Variants in TNRC6A observed in about 807,000 individuals in gnomAD.
TNRC6A encodes trinucleotide repeat containing adaptor 6A, also known as trinucleotide repeat-containing gene 6A protein.
Under a neutral mutation model 221.2 loss-of-function variants are expected in TNRC6A, and 44 were observed. The observed-to-expected ratio is 0.20, with a 90% CI of 0.16 to 0.26. The LOEUF is 0.26. Among genes scored for constraint, TNRC6A ranks in the 10% least tolerant of loss-of-function variants. The probability of loss-of-function intolerance (pLI) is 1.00; values close to 1 mark genes in which losing one functional copy is unlikely to be tolerated. For synonymous variants in TNRC6A, 847 were observed against 838.5 expected, an observed-to-expected ratio of 1.01 and a Z score of -0.18; for missense variants, 2,199 against 2,404.4, an observed-to-expected ratio of 0.91 and a Z score of 1.79.
intron 2 of TNRC6A, among the ~76,000 whole-genome samples, chr16:24,689,791 C>T (rs375625771): frequency 6.6e-6 from 1 of 151,996 alleles, no homozygotes; most frequent in Non-Finnish European, 1.5e-5. Flanking sequence ...TCACTTGTTG[C>T]CTAGGCTAAA....
intron 2 of TNRC6A, among the ~76,000 whole-genome samples, chr16:24,678,994 A>AT (rs10556464): frequency 0.01 from 1,420 of 135,926 alleles, 7 homozygotes; most frequent in Non-Finnish European, 0.016. Flanking sequence ...AAAACATTGA[A>AT]TTTTTTTTTT....
intron 2 of TNRC6A, among the ~76,000 whole-genome samples, chr16:24,735,475 G>A (rs1443846490): frequency 2.0e-5 from 3 of 152,186 alleles, no homozygotes; most frequent in Admixed American, 6.5e-5. Context: ...ATTGCTATAG[G>A]TTGGTGCGAA....
intron 2 of TNRC6A, among the ~76,000 whole-genome samples, chr16:24,666,656 AAAAAAAAAAAAAATAT>A (rs1293077359): frequency 8.0e-5 from 10 of 124,562 alleles, no homozygotes; most frequent in African/African-American, 3.4e-4. Flanking sequence ...AAAAAAAAAA[AAAAAAAAAAAAAATAT>A]ATATATATAT....
At chr16:24,809,616 G>T in intron 18 of TNRC6A, 135 bp downstream of exon 18, 1 of 1,163,604 alleles carries the variant, frequency 8.6e-7, no homozygotes, top group Non-Finnish European at 1.1e-6. Context: ...TTTAAAAAAA[G>T]TTGTTATTAA....
Position 24,790,329 on chromosome 16 carries a change from T to A in TNRC6A, c.1687T>A (p.Phe563Ile). Residue 563 changes from phenylalanine (F) to isoleucine (I), a missense_variant, in exon 6 of 25, where the codon TTT becomes ATT. Physicochemically the swap from Phe to Ile is conservative, Grantham distance 21. Coordinates refer to ENST00000395799, the MANE Select transcript of TNRC6A (RefSeq NM_014494.4). Reference protein sequence around the residue: ...PGVNGPMGTNFQVNTNKGGGV... With the variant: ...PGVNGPMGTNIQVNTNKGGGV... ...CGTAAATGGTCCTATGGGCACTAAC[T>A]TTCAAGTTAACACAAACAAAGGAGG... The A allele has an allele frequency of 1.9e-6, 3 of 1,614,204 alleles. No individual in the cohort carries two copies. Among genetic ancestry groups the A allele is most frequent in the Non-Finnish European group, 2.5e-6 (3 of 1,180,032 alleles).
At chr16:24,778,684 A>T (rs1023723199) in intron 5 of TNRC6A, among the ~76,000 whole-genome samples, 1 of 152,162 alleles carries the variant, frequency 6.6e-6, no homozygotes, top group African/African-American at 2.4e-5. Flanking sequence ...TATTAAAGGA[A>T]CTACCTTAAT....
chr16:24,783,862 A>G (rs1191757113), intron 5 of TNRC6A, among the ~76,000 whole-genome samples: 2 of 152,214 alleles, frequency 1.3e-5, no homozygotes, highest in Non-Finnish European at 2.9e-5. Context: ...TTTAAGTGAA[A>G]TAAATTATTT....
intron 5 of TNRC6A, among the ~76,000 whole-genome samples, chr16:24,782,751 G>A (rs993010866): frequency 7.2e-5 from 11 of 151,954 alleles, no homozygotes; most frequent in Admixed American, 2.0e-4. Context: ...GCGTGGTGGC[G>A]GGCTCCTGTA....
rs568523871 is a variant in TNRC6A at position 24,815,036 on chromosome 16, G to A, written c.4673-111G>A. On this transcript the variant is annotated intron_variant, in intron 18 of 24. Transcript: ENST00000395799. ...TAAAAGAGTTACTCTAGAGAACACAGCCTAGAGCCCACAGATCTAATAGAA... is the reference window on the plus strand; with the variant it reads ...TAAAAGAGTTACTCTAGAGAACACAACCTAGAGCCCACAGATCTAATAGAA... 4.1e-6 allele frequency: 5 copies of A among 1,220,768 alleles called. No individual in the cohort carries two copies. The East Asian group carries it at 7.1e-5, about 17-fold the overall frequency. The allele number at this position is 1,220,768 out of a possible 1,614,324, so 75.6% of individuals were successfully genotyped here. A position where few individuals can be genotyped will look rare whatever the true frequency, so the allele number is the denominator to read the frequency against.
chr16:24,781,327 G>A (rs1170511697), intron 5 of TNRC6A, among the ~76,000 whole-genome samples: 1 of 151,848 alleles, frequency 6.6e-6, no homozygotes, highest in Non-Finnish European at 1.5e-5. Context: ...CCAAATTGCT[G>A]GGATTACAGG....
chr16:24,688,099 A>T (rs1208736639), intron 2 of TNRC6A, among the ~76,000 whole-genome samples: 160 of 143,492 alleles, frequency 1.1e-3, no homozygotes, highest in Middle Eastern at 3.6e-3. Context: ...TGCCCTGCTA[A>T]TTTTTTTTTT....
intron 17 of TNRC6A, among the ~76,000 whole-genome samples, chr16:24,807,796 T>TC (rs1351865892): frequency 1.3e-5 from 2 of 152,222 alleles, no homozygotes; most frequent in African/African-American, 4.8e-5. Context: ...TTTGCTTTTT[T>TC]TCTCTCTCTT....
At chr16:24,621,345 CT>C (rs1265818474) in intron 1 of TNRC6A, among the ~76,000 whole-genome samples, 27,240 of 73,974 alleles carry the variant, frequency 0.37, 4,100 homozygotes, top group African/African-American at 0.44. Flanking sequence ...AGAATATGGT[CT>C]TTTTTTTTTT....
At chr16:24,699,746 A>C (rs1290467362) in intron 2 of TNRC6A, among the ~76,000 whole-genome samples, 2 of 150,988 alleles carry the variant, frequency 1.3e-5, no homozygotes, top group East Asian at 3.9e-4. Context: ...AAAGCTTCTG[A>C]GAAAATAACA....
At chr16:24,688,518 G>C (rs1182269804) in intron 2 of TNRC6A, among the ~76,000 whole-genome samples, 1 of 152,186 alleles carries the variant, frequency 6.6e-6, no homozygotes, top group Non-Finnish European at 1.5e-5. Context: ...CTCTGTGTCA[G>C]TGATTGATTC....
intron 2 of TNRC6A, among the ~76,000 whole-genome samples, chr16:24,695,973 G>A (rs1390086118): frequency 6.6e-6 from 1 of 152,134 alleles, no homozygotes; most frequent in Non-Finnish European, 1.5e-5. Context: ...TGTCCCTCAA[G>A]ATAGGATTAC....
At chr16:24,640,460 G>A (rs574191244) in intron 1 of TNRC6A, among the ~76,000 whole-genome samples, 1 of 152,034 alleles carries the variant, frequency 6.6e-6, no homozygotes, top group South Asian at 2.1e-4. Context: ...GGTCACAGTG[G>A]CTCACACCTG....
At chr16:24,766,308 CAAAG>C (rs951802876) in intron 4 of TNRC6A, among the ~76,000 whole-genome samples, 5 of 152,138 alleles carry the variant, frequency 3.3e-5, no homozygotes, top group African/African-American at 9.7e-5. Context: ...TATGGACTCA[CAAAG>C]AGAATAAAGA....
chr16:24,712,144 T>C (rs564245265), intron 2 of TNRC6A, among the ~76,000 whole-genome samples: 2 of 152,298 alleles, frequency 1.3e-5, no homozygotes, highest in East Asian at 3.9e-4. Flanking sequence ...TGTTAGTTTA[T>C]GAACTGTAAC....
Sources: gnomAD v4.1 joint callset for allele counts (sites outside exome capture counted in the v4.1 genomes callset) on GRCh38, gnomAD v4.1.1 for gene constraint, MANE v1.5 for transcripts, NCBI Gene and HGNC (gene_info 2026-07-23, HGNC 2026-07-21) for gene names.